The following BMP7 variants were observed in gnomAD, a reference collection of about 807,000 sequenced individuals.
BMP7 encodes the protein bone morphogenetic protein 7.
BMP7 carries 12 observed loss-of-function variants against 41.2 expected under a neutral mutation model. The ratio of observed to expected loss-of-function variants is 0.29; its 90% CI spans 0.19 to 0.47. The LOEUF (loss-of-function observed/expected upper bound fraction) is 0.47, where lower values mean the gene tolerates loss of function less well. BMP7 is among the 20% of genes least tolerant of loss of function. The pLI is 0.99. For missense variants in BMP7, 467 were observed against 606.0 expected, an observed-to-expected ratio of 0.77 and a Z score of 2.41; for synonymous variants, 248 against 250.0, an observed-to-expected ratio of 0.99 and a Z score of 0.07.
At chr20:57,175,589 A>AT (rs1264533931) in intron 4 of BMP7, among the ~76,000 whole-genome samples, 9 of 152,198 alleles carry the variant, frequency 5.9e-5, no homozygotes, top group African/African-American at 2.2e-4. Context: ...AGTAGTGAAA[A>AT]TGATACAGGG....
intron 2 of BMP7, among the ~76,000 whole-genome samples, chr20:57,216,559 T>TCCTGAGGGTGAGGGGCTGC (rs1985032413): frequency 2.1e-5 from 3 of 145,518 alleles, no homozygotes; most frequent in Non-Finnish European, 4.5e-5. Context: ...CGAGGGGCTG[T>TCCTGAGGGTGAGGGGCTGC]CTCCTGAGGG....
chr20:57,185,862 A>G (rs1984197560), intron 3 of BMP7, among the ~76,000 whole-genome samples: 1 of 151,720 alleles, frequency 6.6e-6, no homozygotes, highest in South Asian at 2.1e-4. Context: ...AGCTTTGCAT[A>G]CCCTAAGTAC....
rs189787152 is a variant in BMP7, at chr20:57,224,027, G to A, written c.611+4202C>T. On this transcript the variant is annotated intron_variant, in intron 2 of 6. Coordinates refer to ENST00000395863, the MANE Select transcript of BMP7 (RefSeq NM_001719.3). This position sits in a 1 kb window ranked among gnomAD's most constrained non-coding sequence, Gnocchi z 4.8. ...GTTTATGGACCAAAATCATCACGGCGTCCCCAGGGAGCTTCTCAGAAAGGC... is the reference window on the plus strand; with the variant it reads ...GTTTATGGACCAAAATCATCACGGCATCCCCAGGGAGCTTCTCAGAAAGGC... 4.1e-4 allele frequency among the ~76,000 whole-genome samples: 62 copies of A among 152,252 alleles called. No individual in the cohort carries two copies. Among genetic ancestry groups the A allele is most frequent in the African/African-American group, 1.2e-3 (49 of 41,548 alleles).
In BMP7 at chr20:57,216,485, A is replaced by AGG. The variant is rs1208001213; in HGVS notation, c.611+11742_611+11743dup. Among the ~76,000 whole-genome samples, 1,435 of 151,120 alleles carry AGG rather than the reference A, an allele frequency of 9.5e-3. 40 individuals are homozygous for AGG. The highest frequency in any genetic ancestry group is 0.033 in the African/African-American group (1,369 of 40,878). On this transcript the variant is annotated intron_variant, in intron 2 of 6. Transcript: ENST00000395863. ...CTCCAGAGGGGTGCACCTGAGGACG[A>AGG]GGGCGCTGTCTCCTGAGGGCGAGGG...
intron 1 of BMP7, among the ~76,000 whole-genome samples, chr20:57,265,031 CAA>C (rs34234487): frequency 1.3e-5 from 1 of 74,520 alleles, no homozygotes; most frequent in Non-Finnish European, 3.0e-5. Context: ...AACTCCGTCT[CAA>C]AAAAAAAAAA....
chr20:57,202,237 G>A (rs769159339), intron 3 of BMP7, among the ~76,000 whole-genome samples: 25 of 152,248 alleles, frequency 1.6e-4, no homozygotes, highest in Non-Finnish European at 2.2e-4. Flanking sequence ...TGCTGATATG[G>A]GACCACCCTT....
At chr20:57,203,143 G>T (rs907936002) in intron 2 of BMP7, among the ~76,000 whole-genome samples, 1 of 152,120 alleles carries the variant, frequency 6.6e-6, no homozygotes, top group African/African-American at 2.4e-5. Flanking sequence ...AAGTTGCCAA[G>T]CTGGGGTTTC....
rs370497352 is a variant in BMP7, at chr20:57,170,956, G to C, written c.*3C>G. On this transcript the variant is annotated 3_prime_UTR_variant, in exon 7 of 7. Coordinates refer to ENST00000395863, the MANE Select transcript of BMP7 (RefSeq NM_001719.3). Reference sequence around the variant, plus strand: ...CCCCAAAGGGTCTGAATTCTCGGAGGAGCTAGTGGCAGCCACAGGCCCGGA... The same window carrying C: ...CCCCAAAGGGTCTGAATTCTCGGAGCAGCTAGTGGCAGCCACAGGCCCGGA... The C allele has an allele frequency of 1.9e-4, 310 of 1,613,234 alleles. 1 individual carries two copies. The highest frequency in any genetic ancestry group is 2.6e-4 in the Non-Finnish European group (303 of 1,179,868).
chr20:57,230,123 G>A (rs944066767), intron 1 of BMP7, among the ~76,000 whole-genome samples: 7 of 152,258 alleles, frequency 4.6e-5, no homozygotes, highest in Middle Eastern at 3.4e-3. Flanking sequence ...TGGCGGGAGG[G>A]AAGGACTCTC....
intron 2 of BMP7, among the ~76,000 whole-genome samples, chr20:57,225,086 G>A (rs533289918): frequency 1.5e-4 from 23 of 152,342 alleles, no homozygotes; most frequent in African/African-American, 4.3e-4. Flanking sequence ...GCCACATGGC[G>A]GGGACAGCAG....
intron 3 of BMP7, among the ~76,000 whole-genome samples, chr20:57,196,461 G>A (rs979534230): frequency 1.8e-4 from 28 of 152,174 alleles, no homozygotes; most frequent in Admixed American, 1.6e-3. Flanking sequence ...CTGCTGCTTC[G>A]AACAGTCCTT....
At chr20:57,212,409 G>A (rs768944014) in intron 2 of BMP7, among the ~76,000 whole-genome samples, 8 of 152,188 alleles carry the variant, frequency 5.3e-5, no homozygotes, top group Non-Finnish European at 1.0e-4. Flanking sequence ...GGGAAGCCGG[G>A]AGGAGTTCTA....
At chr20:57,256,456 C>T (rs865801737) in intron 1 of BMP7, among the ~76,000 whole-genome samples, 13 of 152,206 alleles carry the variant, frequency 8.5e-5, no homozygotes, top group Admixed American at 2.6e-4. Context: ...GCAGTGGTAT[C>T]GTCATCTCCT....
intron 1 of BMP7, among the ~76,000 whole-genome samples, chr20:57,230,612 T>C (rs540453361): frequency 1.2e-3 from 179 of 150,808 alleles, no homozygotes; most frequent in Middle Eastern, 3.5e-3. Context: ...TGAACCACCA[T>C]GCATCTCTGT....
intron 1 of BMP7, among the ~76,000 whole-genome samples, chr20:57,254,017 C>T (rs1186074474): frequency 2.8e-5 from 2 of 71,538 alleles, no homozygotes; most frequent in African/African-American, 6.2e-5. Flanking sequence ...GGTTTCTTTC[C>T]TTTTTTTTTT....
At position 57,198,671 on chromosome 20, in the gene BMP7, C is replaced by T. The variant is rs567214290; in HGVS notation, c.760+3804G>A. 2.4e-3 allele frequency among the ~76,000 whole-genome samples: 359 copies of T among 152,282 alleles called. 1 individual carries two copies. Among genetic ancestry groups the T allele is most frequent in the African/African-American group, 8.4e-3 (348 of 41,574 alleles). ...CTGGGTGGTCTCAGAAGGGCACCTC[C>T]GCACTTTGACCTCGAGACCCCCCAC... On this transcript the variant is annotated intron_variant, in intron 3 of 6. Coordinates refer to ENST00000395863, the MANE Select transcript of BMP7 (RefSeq NM_001719.3).
Position 57,169,643 on chromosome 20 carries a change from T to C in BMP7, c.*1316A>G, listed in dbSNP as rs1183522756. 1.3e-5 allele frequency: 2 copies of C among 152,232 alleles called. No homozygotes were observed. Among genetic ancestry groups the C allele is most frequent in the African/African-American group, 4.8e-5 (2 of 41,460 alleles). 9.4% of individuals were successfully genotyped at this position (152,232 alleles called of 1,614,324 possible). ...AATGAAGAGACAGCCACGGGTGCCC[T>C]TGCCAGGGCCCAGCCTTGGAATGCC... On this transcript the variant is annotated 3_prime_UTR_variant, in exon 7 of 7. Transcript: ENST00000395863.
chr20:57,234,014 A>G (rs2066038432), intron 1 of BMP7, among the ~76,000 whole-genome samples: 1 of 152,188 alleles, frequency 6.6e-6, no homozygotes, highest in African/African-American at 2.4e-5. Flanking sequence ...GCTCATCAGG[A>G]TGAGCAAAGT....
chr20:57,191,655 G>T (rs942389711), intron 3 of BMP7, among the ~76,000 whole-genome samples: 1 of 150,796 alleles, frequency 6.6e-6, no homozygotes, highest in Admixed American at 6.7e-5. Context: ...GCTTGAACCC[G>T]GGAGACAGAG....
Sources: allele counts gnomAD v4.1 joint callset (sites outside exome capture counted in the v4.1 genomes callset), GRCh38; gene constraint gnomAD v4.1.1; non-coding constraint Gnocchi (gnomAD v3.1); transcripts MANE v1.5; gene names NCBI Gene and HGNC (gene_info 2026-07-23, HGNC 2026-07-21).